The following SPATA17 variants were observed in gnomAD, a reference collection of about 807,000 sequenced individuals.
SPATA17 encodes spermatogenesis-associated protein 17.
Under a neutral mutation model 62.2 loss-of-function variants are expected in SPATA17, and 53 were observed. The observed-to-expected ratio is 0.85, with a 90% CI of 0.68 to 1.07. The LOEUF is 1.07. SPATA17 is among the 50% of genes least tolerant of loss of function. The probability of loss-of-function intolerance (pLI) is 0.00; values close to 1 mark genes in which losing one functional copy is unlikely to be tolerated. For synonymous variants in SPATA17, 146 were observed against 146.8 expected (o/e 0.99, Z 0.04); for missense variants, 466 against 425.5 (o/e 1.10, Z -0.84).
chr1:217,862,927 C>T (rs1675926990), intron 10 of SPATA17, 71 bp downstream of exon 10: 3 of 938,102 alleles, frequency 3.2e-6, no homozygotes, highest in African/African-American at 3.3e-5. Flanking sequence ...ATGGGGTTGA[C>T]TTAACTATCA....
At chr1:217,819,812 A>T (rs1386807633) in intron 9 of SPATA17, among the ~76,000 whole-genome samples, 1 of 151,900 alleles carries the variant, frequency 6.6e-6, no homozygotes, top group Non-Finnish European at 1.5e-5. Context: ...GTATGGAGAG[A>T]TTTGGATTTA....
At chr1:217,774,568 T>C (rs768407770) in intron 7 of SPATA17, 31 bp downstream of exon 7, 1 of 1,588,142 alleles carries the variant, frequency 6.3e-7, no homozygotes, top group South Asian at 1.1e-5. Context: ...AATTCTGTCA[T>C]TAATTTTATT....
chr1:217,694,796 T>C (rs1246790934), intron 5 of SPATA17, among the ~76,000 whole-genome samples: 3 of 145,848 alleles, frequency 2.1e-5, no homozygotes, highest in African/African-American at 5.0e-5. Flanking sequence ...AAAATTCTTT[T>C]CTTTAAGAAT....
chr1:217,767,329 C>CTTTTGTTTTTGTTCGTTT (rs1673323735), intron 6 of SPATA17, among the ~76,000 whole-genome samples: 1 of 151,910 alleles, frequency 6.6e-6, no homozygotes, highest in Non-Finnish European at 1.5e-5. Context: ...AGTAATTTGC[C>CTTTTGTTTTTGTTCGTTT]TACTGTGGTT....
At chr1:217,789,288 C>T (rs960992012) in intron 8 of SPATA17, among the ~76,000 whole-genome samples, 2 of 152,178 alleles carry the variant, frequency 1.3e-5, no homozygotes, top group Admixed American at 6.5e-5. Flanking sequence ...TCTTGAGCTC[C>T]TCCACTTGCT....
intron 8 of SPATA17, 75 bp from the exon 9 acceptor site, chr1:217,801,640 ACTT>A: frequency 8.2e-7 from 1 of 1,223,100 alleles, no homozygotes. Context: ...GTACTATAGT[ACTT>A]CTACAAAGCC....
rs537919741 is a variant in SPATA17 at position 217,869,855 on chromosome 1, G to C, written c.*2836G>C. On this transcript the variant is annotated 3_prime_UTR_variant, in exon 11 of 11. Transcript: ENST00000366933. ...AGGGGTCCATGCAGATGTTTGGAGG[G>C]GGGGGTCTTAAAGCTTTATTTTTAG... The C allele has an allele frequency of 2.0e-4, 31 of 152,016 alleles. No homozygotes were observed. The highest frequency in any genetic ancestry group is 6.3e-4 in the African/African-American group (26 of 41,452). The allele number at this position is 152,016 out of a possible 1,614,324, so 9.4% of individuals were successfully genotyped here.
chr1:217,812,483 G>A (rs1674614568), intron 9 of SPATA17, among the ~76,000 whole-genome samples: 1 of 152,004 alleles, frequency 6.6e-6, no homozygotes, highest in Admixed American at 6.6e-5. Context: ...AGGATAATGT[G>A]CATACCATAT....
intron 5 of SPATA17, among the ~76,000 whole-genome samples, chr1:217,701,853 G>A (rs1488841252): frequency 6.6e-6 from 1 of 151,648 alleles, no homozygotes. Context: ...GCTTTTCTGT[G>A]CTTTCAGCAT....
chr1:217,867,061 CTT>C lies in SPATA17; in HGVS notation c.*43_*44del, dbSNP rs562996660. ...AACTGAAGCCATCTGCATTTTAAAACTTAACAGTTCTGAAAGGAAAACACAGA... is the reference window on the plus strand; with the variant it reads ...AACTGAAGCCATCTGCATTTTAAAACAACAGTTCTGAAAGGAAAACACAGA... On this transcript the variant is annotated 3_prime_UTR_variant, in exon 11 of 11. Coordinates refer to ENST00000366933, the MANE Select transcript of SPATA17 (RefSeq NM_138796.4). 202 of 152,164 alleles carry C rather than the reference CTT, an allele frequency of 1.3e-3. No individual in the cohort carries two copies. The highest frequency in any genetic ancestry group is 4.6e-3 in the African/African-American group (192 of 41,516). The allele number at this position is 152,164 out of a possible 1,614,324, so 9.4% of individuals were successfully genotyped here. A position where few individuals can be genotyped will look rare whatever the true frequency, so the allele number is the denominator to read the frequency against.
chr1:217,648,784 A>G, intron 1 of SPATA17, 98 bp from the exon 2 acceptor site: 3 of 599,680 alleles, frequency 5.0e-6, no homozygotes, highest in Non-Finnish European at 8.4e-6. Flanking sequence ...ATTTATAATT[A>G]TCATCTTGGA....
intron 9 of SPATA17, among the ~76,000 whole-genome samples, chr1:217,844,851 A>G (rs923709114): frequency 1.3e-5 from 2 of 152,110 alleles, no homozygotes; most frequent in African/African-American, 4.8e-5. Flanking sequence ...AGTATTACAA[A>G]TTAAATATCT....
In SPATA17 at chr1:217,645,936, AC is replaced by A. The variant is rs529617672; in HGVS notation, c.69-2945del. ...ATGCCTTCCCATTAACTTCTATGACACTGCACTATACTTGTATCTTATGATT... is the reference window on the plus strand; with the variant it reads ...ATGCCTTCCCATTAACTTCTATGACATGCACTATACTTGTATCTTATGATT... On this transcript the variant is annotated intron_variant, in intron 1 of 10. Transcript: ENST00000366933. 3.2e-4 allele frequency among the ~76,000 whole-genome samples: 49 copies of A among 152,234 alleles called. 1 individual carries two copies. The highest frequency in any genetic ancestry group is 2.9e-3 in the Admixed American group (45 of 15,292).
chr1:217,784,722 A>G (rs1345430391), intron 8 of SPATA17, among the ~76,000 whole-genome samples: 2 of 152,212 alleles, frequency 1.3e-5, no homozygotes, highest in African/African-American at 4.8e-5. Flanking sequence ...TGCATTTAAG[A>G]CATCAAAAAA....
At chr1:217,806,647 C>G (rs56044571) in intron 9 of SPATA17, among the ~76,000 whole-genome samples, 4,664 of 152,196 alleles carry the variant, frequency 0.031, 103 homozygotes, top group Middle Eastern at 0.065. Flanking sequence ...GTCCCTGAGT[C>G]CCATCATCTC....
chr1:217,671,120 G>C (rs1187458318), intron 4 of SPATA17, among the ~76,000 whole-genome samples: 2 of 152,118 alleles, frequency 1.3e-5, no homozygotes, highest in Admixed American at 1.3e-4. Flanking sequence ...GACAAGGCTA[G>C]ATGCATTCCC....
chr1:217,797,401 C>T (rs906415029), intron 8 of SPATA17, among the ~76,000 whole-genome samples: 6 of 151,700 alleles, frequency 4.0e-5, no homozygotes, highest in Non-Finnish European at 2.9e-5. Flanking sequence ...AGCCCCATAC[C>T]ATCACATCTG....
At chr1:217,747,259 T>A (rs2102952337) in intron 6 of SPATA17, among the ~76,000 whole-genome samples, 1 of 152,294 alleles carries the variant, frequency 6.6e-6, no homozygotes, top group East Asian at 1.9e-4. Context: ...ATATAAGACA[T>A]ATTTCCTTTG....
intron 6 of SPATA17, among the ~76,000 whole-genome samples, chr1:217,761,047 C>T (rs1673161441): frequency 6.6e-6 from 1 of 152,096 alleles, no homozygotes; most frequent in African/African-American, 2.4e-5. Context: ...GTCTAGAAAT[C>T]ACTATGGGAT....
Sources: allele counts gnomAD v4.1 joint callset (sites outside exome capture counted in the v4.1 genomes callset), GRCh38; gene constraint gnomAD v4.1.1; transcripts MANE v1.5; gene names NCBI Gene and HGNC (gene_info 2026-07-23, HGNC 2026-07-21).